The following ERAP2 variants were observed in gnomAD, a reference collection of about 807,000 sequenced individuals.
The protein encoded by ERAP2 is endoplasmic reticulum aminopeptidase 2.
ERAP2 carries 118 observed loss-of-function variants against 111.1 expected under a neutral mutation model. The ratio of observed to expected loss-of-function variants is 1.06; its 90% CI spans 0.92 to 1.24. The LOEUF (loss-of-function observed/expected upper bound fraction) is 1.24. ERAP2 is among the 50% of genes most tolerant of loss of function. The pLI is 0.00. For missense variants in ERAP2, 1,131 were observed against 1,125.8 expected (o/e 1.00, Z -0.07); for synonymous variants, 410 against 401.2 (o/e 1.02, Z -0.26).
intron 13 of ERAP2, among the ~76,000 whole-genome samples, chr5:96,908,490 G>A (rs1254877479): frequency 6.6e-6 from 1 of 152,102 alleles, no homozygotes; most frequent in Non-Finnish European, 1.5e-5. Flanking sequence ...AAACATCAAA[G>A]AAAAACAAGA....
intron 5 of ERAP2, among the ~76,000 whole-genome samples, chr5:96,891,323 G>A (rs1028083477): frequency 6.0e-5 from 9 of 150,664 alleles, no homozygotes; most frequent in African/African-American, 1.5e-4. Context: ...TAAACCATGC[G>A]CATACATTTA....
chr5:96,917,678 G>A lies in ERAP2; in HGVS notation c.*73G>A. On this transcript the variant is annotated 3_prime_UTR_variant, in exon 19 of 19. Transcript: ENST00000437043. ...TCCCAGCACTTTGGGAGGCTGAGAA[G>A]GGCGGATCACGAGGTCAGGAGATGG... The A allele has an allele frequency of 7.8e-7, 1 of 1,276,058 alleles. No homozygotes were observed. Among genetic ancestry groups the A allele is most frequent in the East Asian group, 2.8e-5 (1 of 35,672 alleles). 79.0% of individuals were successfully genotyped at this position (1,276,058 alleles called of 1,614,324 possible). A position where few individuals can be genotyped will look rare whatever the true frequency, so the allele number is the denominator to read the frequency against.
At chr5:96,882,222 C>T (rs1783210960) in intron 2 of ERAP2, among the ~76,000 whole-genome samples, 1 of 152,196 alleles carries the variant, frequency 6.6e-6, no homozygotes, top group Admixed American at 6.5e-5. Flanking sequence ...ACCACATAAA[C>T]AATGATGGCT....
intron 1 of ERAP2, among the ~76,000 whole-genome samples, chr5:96,878,339 G>A (rs1334080983): frequency 6.6e-6 from 1 of 152,098 alleles, no homozygotes; most frequent in Non-Finnish European, 1.5e-5. Context: ...CTTTACACCA[G>A]TAGCCATAAA....
chr5:96,885,543 CAT>C (rs893948524), intron 3 of ERAP2, among the ~76,000 whole-genome samples: 1 of 152,166 alleles, frequency 6.6e-6, no homozygotes, highest in Admixed American at 6.5e-5. Context: ...GTAGCAAAAA[CAT>C]TTGCCATCAA....
In ERAP2 at chr5:96,900,111, T is replaced by C; in HGVS notation, c.1504-10T>C. ...CTACATTGCAGTGCTCTTTTGTTCT[T>C]GTTTTGTAGAGTTGTTTAGAAAGTG... On this transcript the variant is annotated splice_polypyrimidine_tract_variant and intron_variant, in intron 9 of 18. Transcript: ENST00000437043. 1 of 1,613,748 alleles carries C rather than the reference T, an allele frequency of 6.2e-7. No individual in the cohort carries two copies. The highest frequency in any genetic ancestry group is 8.5e-7 in the Non-Finnish European group (1 of 1,179,738).
intron 10 of ERAP2, 58 bp downstream of exon 10, chr5:96,900,247 T>C (rs1361973780): frequency 6.2e-7 from 1 of 1,606,090 alleles, no homozygotes; most frequent in Admixed American, 1.7e-5. Context: ...TGACCTAGAG[T>C]GAGTATGACA....
chr5:96,896,531 G>A (rs770693460), intron 8 of ERAP2, 27 bp downstream of exon 8: 10 of 1,577,330 alleles, frequency 6.3e-6, no homozygotes, highest in Middle Eastern at 1.7e-4. Context: ...GCAGGTGGAA[G>A]CTCTGCTTTC....
intron 13 of ERAP2, among the ~76,000 whole-genome samples, chr5:96,907,247 A>C (rs906950094): frequency 6.6e-6 from 1 of 152,226 alleles, no homozygotes; most frequent in East Asian, 1.9e-4. Context: ...TAGGGTTAGT[A>C]ATGAGGACTT....
At position 96,915,765 on chromosome 5, in the gene ERAP2, A is replaced by G. The variant is rs142659150; in HGVS notation, c.2735A>G (p.Gln912Arg). Reference sequence around the variant, plus strand: ...CACTTTTCTTCCAAGGATAAGTTGCAAGAGGTTTGTGACTTTCTGTTTTTA... The same window carrying G: ...CACTTTTCTTCCAAGGATAAGTTGCGAGAGGTTTGTGACTTTCTGTTTTTA... ...TAHFSSKDKL[Q>R]EVKLFFESLE... is the part of the protein sequence containing the mutation. Residue 912 changes from glutamine (Q) to arginine (R), a missense_variant, in exon 18 of 19, where the codon CAA becomes CGA. Gln to Arg is a conservative substitution (Grantham distance 43). Coordinates refer to ENST00000437043, the MANE Select transcript of ERAP2 (RefSeq NM_022350.5). 2.6e-4 allele frequency: 408 copies of G among 1,599,676 alleles called. No individual in the cohort carries two copies. Among genetic ancestry groups the G allele is most frequent in the Admixed American group, 6.4e-4 (37 of 58,020 alleles).
At chr5:96,887,092 T>TA (rs1561365464) in intron 4 of ERAP2, among the ~76,000 whole-genome samples, 1 of 99,142 alleles carries the variant, frequency 1.0e-5, no homozygotes, top group East Asian at 3.4e-4. Flanking sequence ...TATATATATA[T>TA]ATATATATAC....
chr5:96,893,364 A>G (rs1784567284), intron 6 of ERAP2, among the ~76,000 whole-genome samples: 1 of 152,204 alleles, frequency 6.6e-6, no homozygotes, highest in African/African-American at 2.4e-5. Flanking sequence ...TCGTCACCAC[A>G]ATAATGAGCT....
In ERAP2 at chr5:96,903,452, A is replaced by G; in HGVS notation, c.1904A>G (p.Tyr635Cys). The G allele has an allele frequency of 1.9e-6, 3 of 1,614,038 alleles. No homozygotes were observed. The highest frequency in any genetic ancestry group is 2.5e-6 in the Non-Finnish European group (3 of 1,179,940). ...TCAAATGGTTACTACATCGTTCACT[A>G]TGAGGGTCATGGATGGGACCAACTC... ...VDSNGYYIVH[Y>C]EGHGWDQLIT... The change falls in exon 13 of 19, where the codon TAT (tyrosine) becomes TGT (cysteine). Residue 635 changes from tyrosine (Y) to cysteine (C), a missense_variant. Transcript: ENST00000437043.
intron 9 of ERAP2, among the ~76,000 whole-genome samples, chr5:96,898,418 A>T (rs1352449038): frequency 6.6e-6 from 1 of 151,874 alleles, no homozygotes; most frequent in African/African-American, 2.4e-5. Flanking sequence ...AAATCCTGAG[A>T]CATATTCAAA....
At position 96,880,128 on chromosome 5, in the gene ERAP2, T is replaced by C. The variant is rs1782981574; in HGVS notation, c.443T>C (p.Ile148Thr). The change falls in exon 2 of 19, where the codon ATT becomes ACT. Residue 148 changes from isoleucine to threonine, a missense_variant. Ile to Thr is a moderately conservative substitution (Grantham distance 89, BLOSUM62 -1). This residue lies in a region of ERAP2 where 847 missense variants were observed against 856.5 expected (regional missense o/e 0.99). Transcript: ENST00000437043. ...KVLSYPAHEQ[I>T]ALLVPEKLTP... is the part of the protein sequence containing the mutation. ...TTGAGTTACCCTGCTCATGAACAAA[T>C]TGCACTGCTGGTTCCAGAGAAACTT... is the stretch of plus-strand genomic sequence containing the variant. The C allele has an allele frequency of 1.9e-6, 3 of 1,614,110 alleles. No individual in the cohort carries two copies. The highest frequency in any genetic ancestry group is 3.3e-4 in the Middle Eastern group (2 of 6,062).
intron 13 of ERAP2, 75 bp from the exon 14 acceptor site, chr5:96,908,886 A>G: frequency 1.4e-6 from 2 of 1,421,476 alleles, no homozygotes; most frequent in African/African-American, 1.5e-5. Context: ...TCTCTATTTC[A>G]TATTTGTTTT....
chr5:96,902,847 T>G (rs17486481), intron 12 of ERAP2: 5,884 of 154,576 alleles, frequency 0.038, 191 homozygotes, highest in Middle Eastern at 0.11. Context: ...TATAATGTAA[T>G]TTTACCCTCT....
intron 6 of ERAP2, 72 bp from the exon 7 acceptor site, chr5:96,895,172 CTA>C: frequency 1.2e-6 from 1 of 818,472 alleles, no homozygotes. Context: ...AAGTTAGTAA[CTA>C]TTGTATTTTT....
intron 3 of ERAP2, 79 bp downstream of exon 3, chr5:96,884,009 C>T: frequency 7.4e-7 from 1 of 1,342,900 alleles, no homozygotes; most frequent in Non-Finnish European, 1.0e-6. Context: ...AAATTGCTTT[C>T]AGGATTTCAG....
Sources: gnomAD v4.1 joint callset for allele counts (sites outside exome capture counted in the v4.1 genomes callset) on GRCh38, gnomAD v4.1.1 for gene constraint, gnomAD v4.1.1 regional missense constraint, MANE v1.5 for transcripts, NCBI Gene and HGNC (gene_info 2026-07-23, HGNC 2026-07-21) for gene names.